The following PPP2R1B variants were observed in gnomAD, a reference collection of about 807,000 sequenced individuals.
PPP2R1B encodes the protein serine/threonine-protein phosphatase 2A 65 kDa regulatory subunit A beta isoform.
In PPP2R1B, 58 loss-of-function variants were observed where a neutral mutation model predicts 72.7. The observed-to-expected ratio is 0.80, with a 90% CI of 0.65 to 0.99. The LOEUF (loss-of-function observed/expected upper bound fraction) is 0.99. Among genes scored for constraint, PPP2R1B ranks in the 50% least tolerant of loss-of-function variants. PPP2R1B has a pLI of 0.00. For missense variants in PPP2R1B, 695 were observed against 733.6 expected (o/e 0.95, Z 0.61); for synonymous variants, 256 against 264.6 (o/e 0.97, Z 0.32).
downstream of PPP2R1B, among the ~76,000 whole-genome samples, chr11:111,735,761 A>C (rs1255574053): frequency 1.3e-5 from 2 of 152,190 alleles, no homozygotes; most frequent in South Asian, 2.1e-4. Context: ...TCTCAACAGC[A>C]GCGCGCTCAC....
chr11:111,733,050 C>T (rs765010174), downstream of PPP2R1B, among the ~76,000 whole-genome samples: 42 of 152,156 alleles, frequency 2.8e-4, no homozygotes, highest in Non-Finnish European at 5.3e-4. Flanking sequence ...CTCCCTCAGA[C>T]ACAGGGGCCA....
rs1028544419 is a variant in PPP2R1B at position 111,759,969 on chromosome 11, G to T, written c.540-18C>A. The T allele has an allele frequency of 1.9e-6, 3 of 1,610,988 alleles. No individual in the cohort carries two copies. Among genetic ancestry groups the T allele is most frequent in the African/African-American group, 2.7e-5 (2 of 74,858 alleles). On this transcript the variant is annotated intron_variant, in intron 4 of 14. Coordinates refer to ENST00000527614, the MANE Select transcript of PPP2R1B (RefSeq NM_002716.5). ...GGAATTGCCTGCAACATAAAACAAT[G>T]AAGGTATTTCCCATCAAATAACACT... is the stretch of plus-strand genomic sequence containing the variant.
intron 5 of PPP2R1B, among the ~76,000 whole-genome samples, chr11:111,755,917 A>C (rs1347269620): frequency 2.6e-5 from 4 of 151,976 alleles, no homozygotes; most frequent in Admixed American, 2.6e-4. Flanking sequence ...ATCTTGAAAG[A>C]GCTGCTCCCG....
chr11:111,755,588 T>TTA, intron 5 of PPP2R1B, 138 bp from the exon 6 acceptor site: 7 of 759,712 alleles, frequency 9.2e-6, no homozygotes, highest in African/African-American at 1.9e-5. Context: ...TGACATCTTT[T>TTA]TCTTTTTTTT....
At chr11:111,718,090 G>A in the PPP2R1B span, among the ~76,000 whole-genome samples, 13 of 152,170 alleles carry the variant, frequency 8.5e-5, no homozygotes, top group South Asian at 1.0e-3. Context: ...GAAAAAAAAA[G>A]AACTTGCTTA....
Position 111,762,403 on chromosome 11 carries a change from G to A in PPP2R1B, c.307-1352C>T, listed in dbSNP as rs539287414. On this transcript the variant is annotated intron_variant, in intron 3 of 14. Coordinates refer to ENST00000527614, the MANE Select transcript of PPP2R1B (RefSeq NM_002716.5). Reference sequence around the variant, plus strand: ...CCCCTGCCTACTGTAACCCCCTCTCGTGCAGTACCACTGGATAATAGCTAT... The same window carrying A: ...CCCCTGCCTACTGTAACCCCCTCTCATGCAGTACCACTGGATAATAGCTAT... Among the ~76,000 whole-genome samples, 10 of 152,088 alleles carry A rather than the reference G, an allele frequency of 6.6e-5. No homozygotes were observed. The South Asian group carries it at 1.7e-3, about 25-fold the overall frequency.
chr11:111,720,298 T>C, the PPP2R1B span, among the ~76,000 whole-genome samples: 2 of 152,052 alleles, frequency 1.3e-5, no homozygotes, highest in African/African-American at 4.8e-5. Flanking sequence ...ACTTCTGGAG[T>C]GTTTTCCCCA....
At position 111,754,553 on chromosome 11, in the gene PPP2R1B, C is replaced by A; in HGVS notation, c.975G>T (p.Leu325Phe). The stretch of plus-strand genomic sequence containing the variant: ...TTATGGTCTCTCTATCTTCAATGGG[C>A]AAGTTCTCACCAAGTTCTAAAAGAT... Reference protein sequence around the residue: ...AHKVKELGENLPIEDRETIIM... With the variant: ...AHKVKELGENFPIEDRETIIM... Residue 325 changes from leucine (L) to phenylalanine (F), a missense_variant, in exon 8 of 15, where the codon TTG (leucine) becomes TTT (phenylalanine). Transcript: ENST00000527614. The A allele has an allele frequency of 6.2e-7, 1 of 1,604,300 alleles. No individual in the cohort carries two copies. Among genetic ancestry groups the A allele is most frequent in the South Asian group, 1.1e-5 (1 of 88,002 alleles).
rs1318084062 is a variant in PPP2R1B, at chr11:111,742,586, A to G, written c.1634T>C (p.Val545Ala). The G allele has an allele frequency of 2.5e-6, 4 of 1,613,926 alleles. No homozygotes were observed. In the South Asian group the frequency reaches 3.3e-5, roughly 13 times the overall value. ...PIVLKMAGDQ[V>A]ANVRFNVAKS... Reference sequence around the variant, plus strand: ...GGCCACATTGAAGCGAACATTTGCTACTTGGTCTCCTGCCATTTTTAATAC... The same window carrying G: ...GGCCACATTGAAGCGAACATTTGCTGCTTGGTCTCCTGCCATTTTTAATAC... Residue 545 changes from valine to alanine, a missense_variant, in exon 13 of 15, where the codon GTA (valine) becomes GCA (alanine). Coordinates refer to ENST00000527614, the MANE Select transcript of PPP2R1B (RefSeq NM_002716.5).
the PPP2R1B span, among the ~76,000 whole-genome samples, chr11:111,694,008 A>G: frequency 1.3e-5 from 2 of 152,216 alleles, no homozygotes; most frequent in African/African-American, 4.8e-5. Context: ...AAAAGTTCAT[A>G]TCTCATAGTG....
At chr11:111,730,997 A>G (rs1177041866) in intron 15 of PPP2R1B, 1 of 152,186 alleles carries the variant, frequency 6.6e-6, no homozygotes, top group Non-Finnish European at 1.5e-5. Flanking sequence ...ACAGTGGATA[A>G]TATGTTCTCA....
At chr11:111,702,622 C>A in the PPP2R1B span, among the ~76,000 whole-genome samples, 2 of 152,248 alleles carry the variant, frequency 1.3e-5, no homozygotes, top group African/African-American at 4.8e-5. Context: ...AGCACAGCGC[C>A]TGCCATATAG....
At chr11:111,705,096 G>A in the PPP2R1B span, 6 of 1,603,812 alleles carry the variant, frequency 3.7e-6, no homozygotes, top group African/African-American at 1.3e-5. The surrounding 1 kb of genome is among the most constrained non-coding windows in gnomAD (Gnocchi z 4.3). Context: ...CTTGATGGCC[G>A]CCAGCGTCGG....
chr11:111,720,669 C>G, the PPP2R1B span: 2 of 1,614,100 alleles, frequency 1.2e-6, no homozygotes, highest in Admixed American at 3.3e-5. Context: ...CCCAGCCATG[C>G]AGGCTCTGAG....
intron 4 of PPP2R1B, among the ~76,000 whole-genome samples, chr11:111,760,437 C>G (rs1286682085): frequency 2.0e-5 from 3 of 152,096 alleles, no homozygotes; most frequent in African/African-American, 7.2e-5. Context: ...CCCACCTCAG[C>G]CTCTCAAAGT....
the PPP2R1B span, among the ~76,000 whole-genome samples, chr11:111,711,345 T>A: frequency 6.6e-6 from 1 of 152,084 alleles, no homozygotes; most frequent in Non-Finnish European, 1.5e-5. Context: ...ATGGTCTCGA[T>A]CTCCTGATCT....
chr11:111,763,046 T>C (rs569120209), intron 3 of PPP2R1B, among the ~76,000 whole-genome samples: 36 of 152,198 alleles, frequency 2.4e-4, no homozygotes, highest in African/African-American at 6.7e-4. Flanking sequence ...GAGTACTCTA[T>C]AGAAAAAAGG....
At chr11:111,737,687 C>A, downstream of PPP2R1B, 1 of 1,523,914 alleles carries the variant, frequency 6.6e-7, no homozygotes, top group Non-Finnish European at 8.9e-7. Context: ...GGGTGTCCAG[C>A]AGCAGCCTAC....
chr11:111,749,076 C>T (rs369378010), intron 10 of PPP2R1B, among the ~76,000 whole-genome samples: 298 of 152,210 alleles, frequency 2.0e-3, no homozygotes, highest in Middle Eastern at 6.8e-3. Flanking sequence ...TAACTCCTGA[C>T]TCAGATGATC....
Sources: allele counts gnomAD v4.1 joint callset (sites outside exome capture counted in the v4.1 genomes callset), GRCh38; gene constraint gnomAD v4.1.1; non-coding constraint Gnocchi (gnomAD v3.1); transcripts MANE v1.5; gene names NCBI Gene and HGNC (gene_info 2026-07-23, HGNC 2026-07-21).